The following SOX6 variants were observed in gnomAD, a reference collection of about 807,000 sequenced individuals.
SOX6 encodes the protein SRY-box transcription factor 6.
Under a neutral mutation model 97.8 loss-of-function variants are expected in SOX6, and 11 were observed. The observed-to-expected ratio is 0.11, with a 90% CI of 0.07 to 0.19. The LOEUF is 0.19. Ranked by LOEUF, SOX6 falls within the 10% of genes least tolerant of loss-of-function variation. The probability of loss-of-function intolerance (pLI) is 1.00; values close to 1 mark genes in which losing one functional copy is unlikely to be tolerated. For missense variants in SOX6, 810 were observed against 1,039.5 expected, an observed-to-expected ratio of 0.78 and a Z score of 3.04; for synonymous variants, 360 against 371.4, an observed-to-expected ratio of 0.97 and a Z score of 0.35.
intron 2 of SOX6, among the ~76,000 whole-genome samples, chr11:16,334,272 T>C (rs552207901): frequency 6.6e-6 from 1 of 152,284 alleles, no homozygotes; most frequent in South Asian, 2.1e-4. Flanking sequence ...TTTGCACAGA[T>C]GTAGCAAAGT....
At chr11:16,706,276 CAA>C (rs113536333) in intron 3 of SOX6, among the ~76,000 whole-genome samples, 5 of 129,664 alleles carry the variant, frequency 3.9e-5, no homozygotes, top group Admixed American at 7.8e-5. Flanking sequence ...CCATTTCTAC[CAA>C]AAAAAAAAAA....
chr11:15,996,839 A>C (rs1854240915), intron 13 of SOX6, among the ~76,000 whole-genome samples: 1 of 152,200 alleles, frequency 6.6e-6, no homozygotes, highest in Non-Finnish European at 1.5e-5. Context: ...AAACAGAAAT[A>C]AATCAAATTA....
At chr11:16,376,646 A>C (rs993947828) in intron 1 of SOX6, among the ~76,000 whole-genome samples, 3 of 152,120 alleles carry the variant, frequency 2.0e-5, no homozygotes, top group Non-Finnish European at 4.4e-5. Flanking sequence ...AGAATTTCAC[A>C]TGATCTCTAT....
At chr11:16,119,221 T>C (rs1849428461) in intron 6 of SOX6, among the ~76,000 whole-genome samples, 1 of 152,188 alleles carries the variant, frequency 6.6e-6, no homozygotes, top group Non-Finnish European at 1.5e-5. Flanking sequence ...ATGTGTCTTC[T>C]TATTGCCAAA....
At chr11:16,287,282 T>TCA in intron 3 of SOX6, among the ~76,000 whole-genome samples, 2 of 37,202 alleles carry the variant, frequency 5.4e-5, no homozygotes, top group African/African-American at 1.4e-4. Flanking sequence ...TCTCTCTCTC[T>TCA]CTCTCTCTCT....
chr11:16,503,737 G>A (rs1483384900), intron 4 of SOX6, among the ~76,000 whole-genome samples: 1 of 152,160 alleles, frequency 6.6e-6, no homozygotes, highest in Admixed American at 6.5e-5. Flanking sequence ...AACTCAGCAA[G>A]AGGATGTAAG....
intron 1 of SOX6, among the ~76,000 whole-genome samples, chr11:16,370,366 A>G (rs565820310): frequency 2.6e-4 from 39 of 152,176 alleles, no homozygotes; most frequent in Admixed American, 9.8e-4. Context: ...AGACATGGCT[A>G]TATCTGGTAG....
intron 13 of SOX6, among the ~76,000 whole-genome samples, chr11:16,014,432 G>A (rs574046020): frequency 6.6e-6 from 1 of 151,934 alleles, no homozygotes; most frequent in South Asian, 2.1e-4. Flanking sequence ...TCCCCAAAAT[G>A]GTTTGATTGT....
At chr11:16,373,791 T>A (rs1008391397) in intron 1 of SOX6, among the ~76,000 whole-genome samples, 3 of 131,384 alleles carry the variant, frequency 2.3e-5, no homozygotes, top group African/African-American at 5.9e-5. Context: ...CATGCTGAAA[T>A]GAAAAGAAAG....
intron 12 of SOX6, among the ~76,000 whole-genome samples, chr11:16,045,408 CCT>C (rs1162135165): frequency 6.6e-6 from 1 of 152,054 alleles, no homozygotes; most frequent in African/African-American, 2.4e-5. Context: ...AACCAGTCTC[CCT>C]GTTTCCATTC....
intron 2 of SOX6, among the ~76,000 whole-genome samples, chr11:16,731,828 G>A (rs1488360739): frequency 6.6e-6 from 1 of 152,216 alleles, no homozygotes; most frequent in East Asian, 1.9e-4. Context: ...CAACATGATT[G>A]CATATTTTGA....
chr11:16,664,398 A>G (rs1847789631), intron 3 of SOX6, among the ~76,000 whole-genome samples: 1 of 152,174 alleles, frequency 6.6e-6, no homozygotes, highest in African/African-American at 2.4e-5. Context: ...GAGACAGCAC[A>G]GTGATTGTGG....
At chr11:16,038,384 C>T (rs1307790459) in intron 12 of SOX6, among the ~76,000 whole-genome samples, 1 of 151,724 alleles carries the variant, frequency 6.6e-6, no homozygotes, top group Non-Finnish European at 1.5e-5. Context: ...AAAGCCTTTG[C>T]TCTTATCAAC....
chr11:16,132,401 AAAAGAAAGAAAGAAAG>A (rs1321127213), intron 6 of SOX6, among the ~76,000 whole-genome samples: 5 of 43,834 alleles, frequency 1.1e-4, no homozygotes, highest in Non-Finnish European at 1.7e-4. Flanking sequence ...AAAGAAAGAA[AAAAGAAAGAAAGAAAG>A]AAAGAAAGAA....
chr11:16,628,636 G>GAAAGA (rs1313736475), intron 3 of SOX6, among the ~76,000 whole-genome samples: 2 of 147,274 alleles, frequency 1.4e-5, no homozygotes, highest in African/African-American at 2.5e-5. Context: ...AAAAAAAAAA[G>GAAAGA]AAAGAAAAGA....
At chr11:16,596,742 G>C (rs1848216220) in intron 4 of SOX6, among the ~76,000 whole-genome samples, 1 of 152,094 alleles carries the variant, frequency 6.6e-6, no homozygotes, top group Admixed American at 6.6e-5. Flanking sequence ...CACCATCAAG[G>C]ATTCTTTTAT....
At chr11:16,435,152 G>T (rs1168031991) in intron 1 of SOX6, among the ~76,000 whole-genome samples, 1 of 151,950 alleles carries the variant, frequency 6.6e-6, no homozygotes, top group East Asian at 1.9e-4. Context: ...AAAAATAAAG[G>T]CATATGAATA....
intron 7 of SOX6, among the ~76,000 whole-genome samples, chr11:16,107,431 A>G (rs1849123444): frequency 6.8e-6 from 1 of 148,000 alleles, no homozygotes; most frequent in South Asian, 2.1e-4. Flanking sequence ...ATATATACAT[A>G]TATATACACA....
intron 3 of SOX6, among the ~76,000 whole-genome samples, chr11:16,628,236 C>A (rs984727191): frequency 2.0e-5 from 3 of 152,074 alleles, no homozygotes; most frequent in Non-Finnish European, 2.9e-5. Context: ...GTGATGCCTC[C>A]AGCTTTGTTC....
Sources: allele counts gnomAD v4.1 joint callset (sites outside exome capture counted in the v4.1 genomes callset), GRCh38; gene constraint gnomAD v4.1.1; transcripts MANE v1.5; gene names NCBI Gene and HGNC (gene_info 2026-07-23, HGNC 2026-07-21).